The following TREML1 variants were observed in gnomAD, a reference collection of about 807,000 sequenced individuals.
The protein encoded by TREML1 is trem-like transcript 1 protein.
Under a neutral mutation model 22.8 loss-of-function variants are expected in TREML1, and 27 were observed. That is an observed-to-expected ratio of 1.19 (90% CI 0.87 to 1.64). TREML1 has a LOEUF of 1.64. Ranked by LOEUF, TREML1 falls within the 40% of genes most tolerant of loss-of-function variation. The pLI, the probability that TREML1 is intolerant of heterozygous loss-of-function variation, is 0.00. For missense variants in TREML1, 356 were observed against 382.0 expected (o/e 0.93, Z 0.57); for synonymous variants, 153 against 161.9 (o/e 0.94, Z 0.42).
chr6:41,151,490 C>T, intron 2 of TREML1, 106 bp from the exon 3 acceptor site: 1 of 1,018,032 alleles, frequency 9.8e-7, no homozygotes, highest in East Asian at 2.4e-5. Flanking sequence ...GGAGTGGAGC[C>T]AAGGAAGGAG....
chr6:41,149,680 G>A lies in TREML1; in HGVS notation c.860C>T (p.Pro287Leu), dbSNP rs755063876. Residue 287 changes from proline (P) to leucine (L), a missense_variant, in exon 6 of 6, where the codon CCG becomes CTG. Transcript: ENST00000426005. ...GGTCCCTCCACCCTTGTTCCCTCCC[G>A]GGAAGATTACTGTGGCATATGTCAC... is the stretch of plus-strand genomic sequence containing the variant. ...KPVTYATVIF[P>L]GGNKGGGTSC... 64 of 1,614,014 alleles carry A rather than the reference G, an allele frequency of 4.0e-5. No individual in the cohort carries two copies. The highest frequency in any genetic ancestry group is 1.8e-4 in the South Asian group (16 of 91,084).
Position 41,150,293 on chromosome 6 carries a change from C to T in TREML1, c.589G>A (p.Gly197Ser), listed in dbSNP as rs1231380380. The T allele has an allele frequency of 6.2e-7, 1 of 1,613,930 alleles. No individual in the cohort carries two copies. Among genetic ancestry groups the T allele is most frequent in the African/African-American group, 1.3e-5 (1 of 74,906 alleles). Residue 197 changes from glycine to serine, a missense_variant, in exon 5 of 6, where the codon GGC (glycine) becomes AGC (serine). Gly to Ser is a moderately conservative substitution (Grantham distance 56). Transcript: ENST00000426005. ...GAAACTCTGCTGCTCAGGAATCGGCCACAGACACCAAGCCTGTTCCCTGGC... is the reference window on the plus strand; with the variant it reads ...GAAACTCTGCTGCTCAGGAATCGGCTACAGACACCAAGCCTGTTCCCTGGC... ...RKQGNRLGVC[G>S]RFLSSRVSGM...
upstream of TREML1, among the ~76,000 whole-genome samples, chr6:41,154,953 T>C (rs563700339): frequency 2.6e-5 from 4 of 152,246 alleles, no homozygotes; most frequent in Non-Finnish European, 5.9e-5. Context: ...ACTAGTTGGT[T>C]ATTGAATGTC....
At position 41,149,567 on chromosome 6, in the gene TREML1, G is replaced by A. The variant is rs747943893; in HGVS notation, c.*37C>T. On this transcript the variant is annotated 3_prime_UTR_variant, in exon 6 of 6. Transcript: ENST00000426005. ...GCTGGATGGATGCACAGAACCCCTA[G>A]GGATGGTCCTCATGAGTTTAAAGTG... 3.8e-6 allele frequency: 6 copies of A among 1,574,786 alleles called. No homozygotes were observed. Among genetic ancestry groups the A allele is most frequent in the East Asian group, 4.5e-5 (2 of 44,512 alleles).
At chr6:41,155,383 C>CTCTCTCTCTCTG (rs935457378), upstream of TREML1, among the ~76,000 whole-genome samples, 172 of 151,386 alleles carry the variant, frequency 1.1e-3, 7 homozygotes, top group South Asian at 0.033. Context: ...GTTTCTCTCT[C>CTCTCTCTCTCTG]TCTCTCTCTC....
In TREML1 at chr6:41,149,735, G is replaced by C; in HGVS notation, c.805C>G (p.Pro269Ala). Residue 269 changes from proline (P) to alanine (A), a missense_variant, in exon 6 of 6, where the codon CCT becomes GCT. Transcript: ENST00000426005. Reference protein sequence around the residue: ...LPAPSSLPPLPPKVLVCSKPV... With the variant: ...LPAPSSLPPLAPKVLVCSKPV... Reference sequence around the variant, plus strand: ...TTGGAGCAGACCAGGACCTTAGGAGGTAGAGGGGGCAATGAGGATGGAGCT... The same window carrying C: ...TTGGAGCAGACCAGGACCTTAGGAGCTAGAGGGGGCAATGAGGATGGAGCT... 1 of 1,614,208 alleles carries C rather than the reference G, an allele frequency of 6.2e-7. No homozygotes were observed. Among genetic ancestry groups the C allele is most frequent in the Non-Finnish European group, 8.5e-7 (1 of 1,180,036 alleles).
At chr6:41,153,708 G>A in intron 2 of TREML1, 50 bp downstream of exon 2, 2 of 1,518,358 alleles carry the variant, frequency 1.3e-6, no homozygotes, top group Non-Finnish European at 1.8e-6. Flanking sequence ...CAATAGGCGG[G>A]GGTGGGGAGG....
upstream of TREML1, among the ~76,000 whole-genome samples, chr6:41,154,641 G>A (rs568762049): frequency 4.4e-4 from 67 of 152,324 alleles, no homozygotes; most frequent in African/African-American, 1.6e-3. Context: ...ATCTGAGGGT[G>A]CACAGCTATG....
At chr6:41,151,423 T>C in intron 2 of TREML1, 39 bp from the exon 3 acceptor site, 1 of 1,571,896 alleles carries the variant, frequency 6.4e-7, no homozygotes, top group Non-Finnish European at 8.8e-7. Flanking sequence ...AAACATTTAA[T>C]GAGTGCATGC....
Position 41,153,983 on chromosome 6 carries a change from A to G in TREML1, c.151T>C (p.Trp51Arg), listed in dbSNP as rs1765354575. ...CACCCCTCCGGCAAGAACCGGCACCACACCTTCTGAGCTTTGACATCCTGG... is the reference window on the plus strand; with the variant it reads ...CACCCCTCCGGCAAGAACCGGCACCGCACCTTCTGAGCTTTGACATCCTGG... Reference protein sequence around the residue: ...RLQDVKAQKVWCRFLPEGCQP... With the variant: ...RLQDVKAQKVRCRFLPEGCQP... The change falls in exon 2 of 6, where the codon TGG (tryptophan) becomes CGG (arginine). Residue 51 changes from tryptophan (W) to arginine (R), a missense_variant. Transcript: ENST00000426005. The G allele has an allele frequency of 3.1e-6, 5 of 1,614,110 alleles. No individual in the cohort carries two copies. Among genetic ancestry groups the G allele is most frequent in the Non-Finnish European group, 4.2e-6 (5 of 1,180,020 alleles).
At chr6:41,152,326 T>C (rs1765279600) in intron 2 of TREML1, among the ~76,000 whole-genome samples, 1 of 152,102 alleles carries the variant, frequency 6.6e-6, no homozygotes, top group Non-Finnish European at 1.5e-5. Context: ...CCACAGCACC[T>C]GCCCCATGGC....
upstream of TREML1, among the ~76,000 whole-genome samples, chr6:41,155,171 T>C (rs564648636): frequency 5.2e-4 from 79 of 152,364 alleles, no homozygotes; most frequent in African/African-American, 1.9e-3. Context: ...TTTTGTTTCA[T>C]GAATGCTCTA....
chr6:41,155,318 A>G (rs1765391081), upstream of TREML1, among the ~76,000 whole-genome samples: 1 of 151,222 alleles, frequency 6.6e-6, no homozygotes. Flanking sequence ...CAACGTCCAG[A>G]GATTTGCTCG....
rs766975067 is a variant in TREML1 at position 41,151,392 on chromosome 6, G to A, written c.377-8C>T. On this transcript the variant is annotated splice_polypyrimidine_tract_variant and splice_region_variant and intron_variant, in intron 2 of 5. Transcript: ENST00000426005. ...GGGTCTCTTCTTCTTCCTCTGTCAG[G>A]CCAGGAATGGAGTCAGAAGGAAACA... 1.2e-6 allele frequency: 2 copies of A among 1,612,110 alleles called. No individual in the cohort carries two copies. Among genetic ancestry groups the A allele is most frequent in the Admixed American group, 3.3e-5 (2 of 60,014 alleles).
chr6:41,155,299 C>A (rs1189581160), upstream of TREML1, among the ~76,000 whole-genome samples: 1 of 151,880 alleles, frequency 6.6e-6, no homozygotes, highest in Non-Finnish European at 1.5e-5. Flanking sequence ...AGCAAACATA[C>A]CTTGAGTGCA....
intron 2 of TREML1, among the ~76,000 whole-genome samples, chr6:41,152,296 G>A (rs1765278058): frequency 6.6e-6 from 1 of 152,118 alleles, no homozygotes; most frequent in Non-Finnish European, 1.5e-5. Flanking sequence ...CGCGCCACCT[G>A]CCTGCCTGAA....
At position 41,149,348 on chromosome 6, in the gene TREML1, C is replaced by T. The variant is rs2113864060; in HGVS notation, c.*256G>A. ...CCCATTCAGCCATTAAGAGTTTGCA[C>T]ATCATTATTAGGGTTTATTTAGCCC... is the stretch of plus-strand genomic sequence containing the variant. On this transcript the variant is annotated 3_prime_UTR_variant, in exon 6 of 6. Transcript: ENST00000426005. The T allele has an allele frequency of 5.1e-6, 2 of 395,786 alleles. No homozygotes were observed. The highest frequency in any genetic ancestry group is 4.5e-6 in the Non-Finnish European group (1 of 220,320). 24.5% of individuals were successfully genotyped at this position (395,786 alleles called of 1,614,324 possible).
upstream of TREML1, among the ~76,000 whole-genome samples, chr6:41,154,889 T>TTG (rs1329158453): frequency 6.6e-6 from 1 of 152,206 alleles, no homozygotes; most frequent in East Asian, 1.9e-4. Flanking sequence ...AATTCTTACT[T>TTG]TGATAATTAC....
At chr6:41,150,434 T>C in intron 4 of TREML1, 121 bp from the exon 5 acceptor site, 1 of 868,904 alleles carries the variant, frequency 1.2e-6, no homozygotes, top group South Asian at 1.6e-5. Flanking sequence ...CCTTCCCCAC[T>C]CCCACCACCA....
Sources: gnomAD v4.1 joint callset for allele counts (sites outside exome capture counted in the v4.1 genomes callset) on GRCh38, gnomAD v4.1.1 for gene constraint, MANE v1.5 for transcripts, NCBI Gene and HGNC (gene_info 2026-07-23, HGNC 2026-07-21) for gene names.